KRT28: variants seen among roughly 807,000 people sequenced by gnomAD.
The protein encoded by KRT28 is keratin 28.
In KRT28, 45 loss-of-function variants were observed where a neutral mutation model predicts 48.1. That is an observed-to-expected ratio of 0.94 (90% CI 0.74 to 1.20). KRT28 has a LOEUF of 1.20. Ranked by LOEUF, KRT28 falls within the 50% of genes most tolerant of loss-of-function variation. The probability of loss-of-function intolerance (pLI) is 0.00; values close to 1 mark genes in which losing one functional copy is unlikely to be tolerated. For missense variants in KRT28, 571 were observed against 574.1 expected (o/e 0.99, Z 0.06); for synonymous variants, 228 against 227.4 (o/e 1.00, Z -0.03).
chr17:40,792,889 C>T (rs1431259587), intron 7 of KRT28, among the ~76,000 whole-genome samples: 2 of 152,112 alleles, frequency 1.3e-5, no homozygotes, highest in Non-Finnish European at 2.9e-5. Flanking sequence ...CACCTGAGGT[C>T]AGGAGTTTGA....
chr17:40,793,226 A>G lies in KRT28; in HGVS notation c.1197-16T>C. 2.0e-6 allele frequency: 3 copies of G among 1,476,372 alleles called. No individual in the cohort carries two copies. The highest frequency in any genetic ancestry group is 2.7e-6 in the Non-Finnish European group (3 of 1,100,312). 91.5% of individuals were successfully genotyped at this position (1,476,372 alleles called of 1,614,324 possible). A position where few individuals can be genotyped will look rare whatever the true frequency, so the allele number is the denominator to read the frequency against. ...GGAGCATGAACTGTAAAAGAAATAT[A>G]GTTTATTCTTTTATATTTCTGCTTA... On this transcript the variant is annotated splice_polypyrimidine_tract_variant and intron_variant, in intron 6 of 7. Coordinates refer to ENST00000306658, the MANE Select transcript of KRT28 (RefSeq NM_181535.3).
chr17:40,793,805 G>A, intron 6 of KRT28, 24 bp downstream of exon 6: 3 of 1,612,394 alleles, frequency 1.9e-6, no homozygotes, highest in South Asian at 2.2e-5. Context: ...GGTAAAAACT[G>A]GATTTTCAAA....
At position 40,792,689 on chromosome 17, in the gene KRT28, A is replaced by T. The variant is rs939453218; in HGVS notation, c.1253-120T>A. ...ATTGAGGGAGTAAGTATATATTTAT[A>T]ATAATAGCTTGGGATAGTTTTAGCC... On this transcript the variant is annotated intron_variant, in intron 7 of 7. Transcript: ENST00000306658. The T allele has an allele frequency of 2.0e-5, 14 of 712,058 alleles. No individual in the cohort carries two copies. The Admixed American group carries it at 2.2e-4, about 11-fold the overall frequency. 44.1% of individuals were successfully genotyped at this position (712,058 alleles called of 1,614,324 possible). A position where few individuals can be genotyped will look rare whatever the true frequency, so the allele number is the denominator to read the frequency against.
intron 3 of KRT28, 67 bp from the exon 4 acceptor site, chr17:40,797,348 A>G: frequency 1.4e-6 from 2 of 1,472,112 alleles, no homozygotes; most frequent in Non-Finnish European, 1.9e-6. Context: ...GAAGTTCTCA[A>G]ACGTGTTACT....
In KRT28 at chr17:40,797,039, G is replaced by T. The variant is rs1215692760; in HGVS notation, c.855C>A (p.Ser285Arg). Residue 285 changes from serine to arginine, a missense_variant and splice_region_variant, in exon 5 of 8, where the codon AGC (serine) becomes AGA (arginine). Coordinates refer to ENST00000306658, the MANE Select transcript of KRT28 (RefSeq NM_181535.3). ...GGGAGATCTGTTGCTGCAGCGAGGCGCTCTGTAGGGCCGGGAAAAAGGGTC... is the reference window on the plus strand; with the variant it reads ...GGGAGATCTGTTGCTGCAGCGAGGCTCTCTGTAGGGCCGGGAAAAAGGGTC... ...KDAEAWFNEK[S>R]ASLQQQISHD... is the part of the protein sequence containing the mutation. 6.8e-6 allele frequency: 11 copies of T among 1,610,780 alleles called. No individual in the cohort carries two copies. The highest frequency in any genetic ancestry group is 1.1e-5 in the South Asian group (1 of 90,680).
chr17:40,793,079 A>G lies in KRT28; in HGVS notation c.1252+76T>C. The G allele has an allele frequency of 6.4e-6, 6 of 943,016 alleles. No homozygotes were observed. In the South Asian group the frequency reaches 9.6e-5, roughly 15 times the overall value. The allele number at this position is 943,016 out of a possible 1,614,324, so 58.4% of individuals were successfully genotyped here. ...AGCACCATTGCATTCCAGCCTGGGC[A>G]ACAGAGCGAGACTCTGTCTCAAAAA... On this transcript the variant is annotated intron_variant, in intron 7 of 7. Coordinates refer to ENST00000306658, the MANE Select transcript of KRT28 (RefSeq NM_181535.3).
intron 3 of KRT28, 22 bp downstream of exon 3, chr17:40,798,213 C>A: frequency 6.3e-7 from 1 of 1,589,104 alleles, no homozygotes; most frequent in Non-Finnish European, 8.6e-7. Flanking sequence ...TGTGATTGGA[C>A]TACAGGTAAA....
chr17:40,799,074 A>G, intron 1 of KRT28, 75 bp from the exon 2 acceptor site: 1 of 932,262 alleles, frequency 1.1e-6, no homozygotes, highest in South Asian at 1.8e-5. Flanking sequence ...GAAATGAAAA[A>G]GGTTACTCAA....
chr17:40,799,348 T>C, intron 1 of KRT28, 96 bp downstream of exon 1: 2 of 1,011,902 alleles, frequency 2.0e-6, no homozygotes, highest in Non-Finnish European at 1.4e-6. Flanking sequence ...TAAATACAAG[T>C]TATAACAGTC....
At position 40,798,974 on chromosome 17, in the gene KRT28, G is replaced by C; in HGVS notation, c.476C>G (p.Ala159Gly). The change falls in exon 2 of 8, where the codon GCT becomes GGT. Residue 159 changes from alanine (A) to glycine (G), a missense_variant. By Grantham distance (60) the Ala-to-Gly change is moderately conservative. Transcript: ENST00000306658. ...NKIISSTTTNANVILQIDNAR... is the reference protein window; with the variant it reads ...NKIISSTTTNGNVILQIDNAR... ...ATTATCAATCTGCAGAATGACATTA[G>C]CATTAGTAGTAGTGGAGGAGATAAT... 6.2e-7 allele frequency: 1 copy of C among 1,605,924 alleles called. No individual in the cohort carries two copies. Among genetic ancestry groups the C allele is most frequent in the Non-Finnish European group, 8.5e-7 (1 of 1,175,172 alleles).
chr17:40,799,817 C>T lies in KRT28; in HGVS notation c.77G>A (p.Gly26Glu). Reference protein sequence around the residue: ...SGAGSVRPLNGGAGFAGSSAC... With the variant: ...SGAGSVRPLNEGAGFAGSSAC... ...ACTGCTGCCTGCAAAGCCTGCACCTCCATTGAGGGGTCTGACAGATCCAGC... is the reference window on the plus strand; with the variant it reads ...ACTGCTGCCTGCAAAGCCTGCACCTTCATTGAGGGGTCTGACAGATCCAGC... Residue 26 changes from glycine to glutamate, a missense_variant, in exon 1 of 8, where the codon GGA (glycine) becomes GAA (glutamate). Physicochemically the swap from Gly to Glu is moderately conservative, Grantham distance 98 (BLOSUM62 -2). Transcript: ENST00000306658. The T allele has an allele frequency of 6.2e-7, 1 of 1,614,094 alleles. No homozygotes were observed. Among genetic ancestry groups the T allele is most frequent in the South Asian group, 1.1e-5 (1 of 91,074 alleles).
intron 3 of KRT28, 144 bp downstream of exon 3, chr17:40,798,091 A>G: frequency 1.5e-6 from 1 of 663,830 alleles, no homozygotes; most frequent in Non-Finnish European, 2.6e-6. Context: ...CGTAGTAGGT[A>G]GTATTATTAG....
At position 40,793,415 on chromosome 17, in the gene KRT28, A is replaced by AT. The variant is rs200030612; in HGVS notation, c.1197-206dup. ...TATAAATAAATCTTGTTTCCATTTG[A>AT]TTTTTTTTTTTACACCCAAGAATTT... On this transcript the variant is annotated intron_variant, in intron 6 of 7. Transcript: ENST00000306658. Among the ~76,000 whole-genome samples the AT allele has an allele frequency of 2.2e-3, 323 of 148,070 alleles. 2 individuals carry two copies. The highest frequency in any genetic ancestry group is 7.1e-3 in the African/African-American group (288 of 40,606).
Position 40,799,517 on chromosome 17 carries a change from C to A in KRT28, c.377G>T (p.Gly126Val). The A allele has an allele frequency of 6.2e-7, 1 of 1,614,184 alleles. No individual in the cohort carries two copies. The highest frequency in any genetic ancestry group is 2.2e-5 in the East Asian group (1 of 44,890). The change falls in exon 1 of 8, where the codon GGA (glycine) becomes GTA (valine). Residue 126 changes from glycine (G) to valine (V), a missense_variant. Transcript: ENST00000306658. Reference sequence around the variant, plus strand: ...ATCAAGTCCACGGCAAGATCCAGGTCCGTATTTTTCATACCAACCCTTGAT... The same window carrying A: ...ATCAAGTCCACGGCAAGATCCAGGTACGTATTTTTCATACCAACCCTTGAT... ...RKIKGWYEKY[G>V]PGSCRGLDHD... is the part of the protein sequence containing the mutation.
At position 40,792,251 on chromosome 17, in the gene KRT28, C is replaced by T. The variant is rs756318327; in HGVS notation, c.*176G>A. ...TCAGTGAATGGAAATGAATGCACAT[C>T]AACTTTTTTATTTATTGGAAACAAA... On this transcript the variant is annotated 3_prime_UTR_variant, in exon 8 of 8. Transcript: ENST00000306658. 2.4e-5 allele frequency: 11 copies of T among 458,980 alleles called. No individual in the cohort carries two copies. Among genetic ancestry groups the T allele is most frequent in the Non-Finnish European group, 3.3e-5 (9 of 269,354 alleles). The allele number at this position is 458,980 out of a possible 1,614,324, so 28.4% of individuals were successfully genotyped here. A position where few individuals can be genotyped will look rare whatever the true frequency, so the allele number is the denominator to read the frequency against.
rs923599440 is a variant in KRT28, at chr17:40,797,285, G to C, written c.691-4C>G. The stretch of plus-strand genomic sequence containing the variant: ...CGCACTGCAGAGCCTTCATCTCCTG[G>C]AGAGAAGCAAGAGTGTGGCTTTAGG... On this transcript the variant is annotated splice_region_variant and splice_polypyrimidine_tract_variant and intron_variant, in intron 3 of 7. Coordinates refer to ENST00000306658, the MANE Select transcript of KRT28 (RefSeq NM_181535.3). The C allele has an allele frequency of 1.2e-6, 2 of 1,612,212 alleles. No individual in the cohort carries two copies. Among genetic ancestry groups the C allele is most frequent in the African/African-American group, 2.7e-5 (2 of 74,882 alleles).
chr17:40,794,709 C>T (rs535814837), intron 5 of KRT28, among the ~76,000 whole-genome samples: 1 of 152,260 alleles, frequency 6.6e-6, no homozygotes, highest in Non-Finnish European at 1.5e-5. Context: ...TGTCTTGGCA[C>T]CTGCTGCCTC....
Position 40,792,319 on chromosome 17 carries a change from A to T in KRT28, c.*108T>A. ...AACTAAGAAAACAGGTATTTTTGCT[A>T]AGTAATGTATCTTTAAAAGTAAAAA... On this transcript the variant is annotated 3_prime_UTR_variant, in exon 8 of 8. Coordinates refer to ENST00000306658, the MANE Select transcript of KRT28 (RefSeq NM_181535.3). 1.2e-6 allele frequency: 1 copy of T among 844,448 alleles called. No homozygotes were observed. Among genetic ancestry groups the T allele is most frequent in the Middle Eastern group, 3.6e-4 (1 of 2,754 alleles). 52.3% of individuals were successfully genotyped at this position (844,448 alleles called of 1,614,324 possible).
Position 40,799,493 on chromosome 17 carries a change from T to C in KRT28, c.401A>G (p.Asp134Gly). 16 of 1,614,086 alleles carry C rather than the reference T, an allele frequency of 9.9e-6. No individual in the cohort carries two copies. Among genetic ancestry groups the C allele is most frequent in the Non-Finnish European group, 1.4e-5 (16 of 1,180,008 alleles). ...TAGGTGATATCTGCTATAGTCATGA[T>C]CAAGTCCACGGCAAGATCCAGGTCC... Reference protein sequence around the residue: ...KYGPGSCRGLDHDYSRYHLTI... With the variant: ...KYGPGSCRGLGHDYSRYHLTI... Residue 134 changes from aspartate (D) to glycine (G), a missense_variant, in exon 1 of 8, where the codon GAT becomes GGT. Physicochemically the swap from Asp to Gly is moderately conservative, Grantham distance 94 (BLOSUM62 -1). Transcript: ENST00000306658.
Sources: gnomAD v4.1 joint callset for allele counts (sites outside exome capture counted in the v4.1 genomes callset) on GRCh38, gnomAD v4.1.1 for gene constraint, MANE v1.5 for transcripts, NCBI Gene and HGNC (gene_info 2026-07-23, HGNC 2026-07-21) for gene names.